GPHN: variants seen among roughly 807,000 people sequenced by gnomAD.
GPHN encodes the protein gephyrin.
Under a neutral mutation model 95.5 loss-of-function variants are expected in GPHN, and 17 were observed. The ratio of observed to expected loss-of-function variants is 0.18; its 90% CI spans 0.12 to 0.27. The LOEUF is 0.27. GPHN is among the 10% of genes least tolerant of loss of function. The pLI is 1.00. For synonymous variants in GPHN, 320 were observed against 322.5 expected (o/e 0.99, Z 0.08); for missense variants, 660 against 978.1 (o/e 0.67, Z 4.34).
At chr14:67,144,661 G>A (rs757965505) in intron 18 of GPHN, among the ~76,000 whole-genome samples, 70 of 152,110 alleles carry the variant, frequency 4.6e-4, no homozygotes, top group Non-Finnish European at 8.8e-4. Flanking sequence ...TAGATCTTAC[G>A]TATATGATTG....
chr14:67,066,357 A>C (rs2076057973), intron 11 of GPHN, among the ~76,000 whole-genome samples: 1 of 152,144 alleles, frequency 6.6e-6, no homozygotes, highest in South Asian at 2.1e-4. Flanking sequence ...GGCTGCCCTT[A>C]ACATTTTTTC....
downstream of GPHN, among the ~76,000 whole-genome samples, chr14:67,183,657 G>A (rs1290799909): frequency 1.4e-5 from 2 of 140,592 alleles, no homozygotes; most frequent in Non-Finnish European, 3.1e-5. Context: ...TCCACCTCCC[G>A]GGTTCAAGCA....
At position 67,086,468 on chromosome 14, in the gene GPHN, G is replaced by A. The variant is rs887470028; in HGVS notation, c.1145-2515G>A. Among the ~76,000 whole-genome samples, 19 of 151,644 alleles carry A rather than the reference G, an allele frequency of 1.3e-4. No individual in the cohort carries two copies. In the East Asian group the frequency reaches 3.5e-3, roughly 28 times the overall value. ...AGATCGAGACCATCCTGGCTAACAC[G>A]GTGAAACCCCGTCTCTACTAAAAAT... On this transcript the variant is annotated intron_variant, in intron 11 of 22. Coordinates refer to ENST00000478722, the MANE Select transcript of GPHN (RefSeq NM_020806.5).
the GPHN span, among the ~76,000 whole-genome samples, chr14:67,440,446 G>A: frequency 6.6e-6 from 1 of 152,068 alleles, no homozygotes; most frequent in African/African-American, 2.4e-5. Context: ...TTGATCCACT[G>A]CTGGATCATG....
the GPHN span, among the ~76,000 whole-genome samples, chr14:67,604,449 C>T: frequency 6.6e-6 from 1 of 152,174 alleles, no homozygotes; most frequent in Non-Finnish European, 1.5e-5. Context: ...AATCCCAGCA[C>T]TTTGAGAGGC....
chr14:66,687,092 G>T (rs942704173), intron 2 of GPHN, among the ~76,000 whole-genome samples: 8 of 152,070 alleles, frequency 5.3e-5, no homozygotes, highest in African/African-American at 1.9e-4. Flanking sequence ...TGTATCCCAG[G>T]GATGAAGCCC....
intron 12 of GPHN, among the ~76,000 whole-genome samples, chr14:67,094,308 G>A (rs1452867185): frequency 6.6e-6 from 1 of 152,040 alleles, no homozygotes; most frequent in East Asian, 1.9e-4. Flanking sequence ...CTGGATATTA[G>A]AAAAAGGAGG....
At chr14:67,473,053 C>G in the GPHN span, 369 of 248,244 alleles carry the variant, frequency 1.5e-3, 1 homozygote, top group African/African-American at 7.7e-3. This position sits in a 1 kb window ranked among gnomAD's most constrained non-coding sequence, Gnocchi z 6.5. Context: ...GGAGGTCAGG[C>G]CTTGCCTCCC....
chr14:67,558,020 C>T, the GPHN span, among the ~76,000 whole-genome samples: 1 of 152,228 alleles, frequency 6.6e-6, no homozygotes, highest in Non-Finnish European at 1.5e-5. Context: ...CCAGGGTCTT[C>T]CCTTCTGAGC....
At chr14:66,730,170 G>A (rs545406129) in intron 2 of GPHN, among the ~76,000 whole-genome samples, 2 of 152,226 alleles carry the variant, frequency 1.3e-5, no homozygotes, top group Non-Finnish European at 2.9e-5. Flanking sequence ...TTTGGTACAA[G>A]AAGTTACTAG....
At chr14:67,731,538 A>G in the GPHN span, among the ~76,000 whole-genome samples, 1 of 151,962 alleles carries the variant, frequency 6.6e-6, no homozygotes, top group Non-Finnish European at 1.5e-5. Flanking sequence ...TCTATTGGAC[A>G]GTTGCTACTC....
At chr14:67,598,517 GC>G in the GPHN span, among the ~76,000 whole-genome samples, 1 of 146,828 alleles carries the variant, frequency 6.8e-6, no homozygotes, top group Non-Finnish European at 1.5e-5. Context: ...TCGTTCTAGG[GC>G]TAAAGTAAGG....
chr14:67,465,324 C>G, the GPHN span, among the ~76,000 whole-genome samples: 1 of 128,690 alleles, frequency 7.8e-6, no homozygotes. Flanking sequence ...GGCCCAGAGG[C>G]AGTGAACGGG....
the GPHN span, among the ~76,000 whole-genome samples, chr14:67,482,774 A>G: frequency 6.6e-6 from 1 of 152,164 alleles, no homozygotes; most frequent in African/African-American, 2.4e-5. Context: ...TCCTGTAGCC[A>G]CTGGCTGGTG....
chr14:66,545,581 C>A (rs544745263), intron 1 of GPHN, among the ~76,000 whole-genome samples: 2 of 57,454 alleles, frequency 3.5e-5, no homozygotes, highest in Non-Finnish European at 3.2e-5. Context: ...ACCTCCCTCC[C>A]GGACGGGGCG....
intron 2 of GPHN, among the ~76,000 whole-genome samples, chr14:66,705,617 C>G (rs2069004323): frequency 6.6e-6 from 1 of 152,044 alleles, no homozygotes; most frequent in Non-Finnish European, 1.5e-5. Flanking sequence ...AGTCAAAATC[C>G]CTTCATATTA....
the GPHN span, among the ~76,000 whole-genome samples, chr14:67,662,178 AC>A: frequency 1.9e-4 from 29 of 150,368 alleles, no homozygotes; most frequent in South Asian, 1.7e-3. Context: ...AACAACAACA[AC>A]AAAAAAAAAA....
the GPHN span, chr14:67,656,287 A>AT: frequency 1.1e-6 from 1 of 901,252 alleles, no homozygotes; most frequent in Non-Finnish European, 1.5e-6. Flanking sequence ...TGAGAAAAGC[A>AT]TAAGAACTTA....
At chr14:66,761,439 T>G (rs1414933175) in intron 2 of GPHN, among the ~76,000 whole-genome samples, 1 of 152,180 alleles carries the variant, frequency 6.6e-6, no homozygotes, top group Non-Finnish European at 1.5e-5. Flanking sequence ...TGTATGACAG[T>G]GTCAAATATT....
Sources: gnomAD v4.1 joint callset for allele counts (sites outside exome capture counted in the v4.1 genomes callset) on GRCh38, gnomAD v4.1.1 for gene constraint, Gnocchi (gnomAD v3.1) non-coding constraint, MANE v1.5 for transcripts, NCBI Gene and HGNC (gene_info 2026-07-23, HGNC 2026-07-21) for gene names.